The following CACNA1E variants were observed in gnomAD, a reference collection of about 807,000 sequenced individuals.
The protein encoded by CACNA1E is calcium voltage-gated channel subunit alpha1 E.
In CACNA1E, 40 loss-of-function variants were observed where a neutral mutation model predicts 259.2. The observed-to-expected ratio is 0.15, with a 90% CI of 0.12 to 0.20. CACNA1E has a LOEUF of 0.20. Among genes scored for constraint, CACNA1E ranks in the 10% least tolerant of loss-of-function variants. The probability of loss-of-function intolerance (pLI) is 1.00; values close to 1 mark genes in which losing one functional copy is unlikely to be tolerated. For synonymous variants in CACNA1E, 1,104 were observed against 1,138.5 expected (o/e 0.97, Z 0.61); for missense variants, 1,874 against 3,040.1 (o/e 0.62, Z 9.02).
intron 1 of CACNA1E, among the ~76,000 whole-genome samples, chr1:181,380,451 G>T (rs376829001): frequency 6.6e-6 from 1 of 152,108 alleles, no homozygotes; most frequent in African/African-American, 2.4e-5. Context: ...AGAAAAGTCC[G>T]ATAGCAAAAC....
intron 10 of CACNA1E, among the ~76,000 whole-genome samples, chr1:181,716,643 A>T (rs1157878029): frequency 6.6e-6 from 1 of 152,218 alleles, no homozygotes. Context: ...GGCTGATGGC[A>T]GGTTTTTCCT....
intron 3 of CACNA1E, among the ~76,000 whole-genome samples, chr1:181,573,889 A>G (rs1241150079): frequency 1.3e-5 from 2 of 152,276 alleles, no homozygotes; most frequent in African/African-American, 2.4e-5. Context: ...ATGCCCATCA[A>G]TGATAGACTG....
chr1:181,650,731 A>G (rs578240847), intron 6 of CACNA1E, among the ~76,000 whole-genome samples: 11 of 152,356 alleles, frequency 7.2e-5, no homozygotes, highest in African/African-American at 2.4e-4. Flanking sequence ...GAGTGTTAAC[A>G]TTAGAGTGCA....
At chr1:181,656,230 A>C (rs140165004) in intron 7 of CACNA1E, among the ~76,000 whole-genome samples, 1 of 152,198 alleles carries the variant, frequency 6.6e-6, no homozygotes, top group Non-Finnish European at 1.5e-5. Flanking sequence ...GGTATTCCAG[A>C]GGAAGGCATT....
At chr1:181,391,973 G>A (rs1656333433) in intron 1 of CACNA1E, among the ~76,000 whole-genome samples, 1 of 151,538 alleles carries the variant, frequency 6.6e-6, no homozygotes, top group African/African-American at 2.4e-5. Context: ...GTGTGTGTGT[G>A]TGTGTGTTTA....
intron 44 of CACNA1E, among the ~76,000 whole-genome samples, chr1:181,791,885 A>C (rs1377954451): frequency 6.6e-6 from 1 of 152,164 alleles, no homozygotes; most frequent in Non-Finnish European, 1.5e-5. Flanking sequence ...GGGCACCCCC[A>C]CAGAGGGCGA....
At chr1:181,611,567 A>C (rs768609285) in intron 6 of CACNA1E, among the ~76,000 whole-genome samples, 19 of 152,088 alleles carry the variant, frequency 1.2e-4, no homozygotes, top group Non-Finnish European at 2.2e-4. Context: ...TTCCTCAAGG[A>C]TAAGATAGAC....
chr1:181,511,244 C>A, intron 2 of CACNA1E, 127 bp from the exon 3 acceptor site: 1 of 1,125,996 alleles, frequency 8.9e-7, no homozygotes, highest in Non-Finnish European at 1.3e-6. Context: ...CCTTAGCACC[C>A]TTGCTTCCCA....
chr1:181,709,236 T>A (rs1402735601), intron 7 of CACNA1E, among the ~76,000 whole-genome samples: 2 of 152,234 alleles, frequency 1.3e-5, no homozygotes, highest in East Asian at 3.8e-4. Context: ...AAAGGAGGCA[T>A]CCCAGGGCTT....
intron 1 of CACNA1E, among the ~76,000 whole-genome samples, chr1:181,364,829 T>G (rs901532972): frequency 6.6e-6 from 1 of 152,180 alleles, no homozygotes; most frequent in Non-Finnish European, 1.5e-5. Context: ...TGGGCTCCAG[T>G]CTTCCACCTC....
intron 3 of CACNA1E, among the ~76,000 whole-genome samples, chr1:181,573,797 A>T (rs1282346693): frequency 6.6e-6 from 1 of 152,246 alleles, no homozygotes; most frequent in Non-Finnish European, 1.5e-5. Flanking sequence ...AAGGAATATA[A>T]ATCATTCTGT....
chr1:181,739,062 G>A, intron 24 of CACNA1E, 85 bp from the exon 25 acceptor site: 1 of 824,838 alleles, frequency 1.2e-6, no homozygotes, highest in Admixed American at 1.8e-5. Flanking sequence ...AGTGGCAGTG[G>A]GGGCACTGCC....
intron 6 of CACNA1E, among the ~76,000 whole-genome samples, chr1:181,602,295 A>G (rs1284027072): frequency 6.6e-6 from 1 of 152,206 alleles, no homozygotes; most frequent in East Asian, 1.9e-4. Flanking sequence ...GGCAGAAGGT[A>G]AGTACAGATT....
At chr1:181,625,233 G>A (rs898747070) in intron 6 of CACNA1E, among the ~76,000 whole-genome samples, 1 of 151,944 alleles carries the variant, frequency 6.6e-6, no homozygotes, top group African/African-American at 2.4e-5. Flanking sequence ...ATGAACATTG[G>A]CTTTAACTTA....
chr1:181,564,134 T>C (rs1215406148), intron 3 of CACNA1E, among the ~76,000 whole-genome samples: 1 of 152,186 alleles, frequency 6.6e-6, no homozygotes, highest in Non-Finnish European at 1.5e-5. Context: ...TTTCTTAAAA[T>C]AAGACAAGAA....
chr1:181,605,979 G>A (rs1654199297), intron 6 of CACNA1E, among the ~76,000 whole-genome samples: 1 of 152,072 alleles, frequency 6.6e-6, no homozygotes, highest in African/African-American at 2.4e-5. Context: ...TCTCTCAGTG[G>A]CATTCAACAC....
chr1:181,633,649 G>A (rs1656949666), intron 6 of CACNA1E, among the ~76,000 whole-genome samples: 1 of 151,862 alleles, frequency 6.6e-6, no homozygotes, highest in African/African-American at 2.4e-5. Flanking sequence ...CTGCCACCAC[G>A]CCCGGCTCAG....
chr1:181,624,026 C>T (rs148054413), intron 6 of CACNA1E, among the ~76,000 whole-genome samples: 3 of 152,256 alleles, frequency 2.0e-5, no homozygotes, highest in South Asian at 2.1e-4. Context: ...CTGGTGAGGG[C>T]GTCAAGCTGC....
intron 3 of CACNA1E, among the ~76,000 whole-genome samples, chr1:181,533,499 A>G (rs1667935800): frequency 6.6e-6 from 1 of 151,454 alleles, no homozygotes; most frequent in African/African-American, 2.4e-5. Flanking sequence ...GCAATGATTA[A>G]TGACTATATT....
Sources: gnomAD v4.1 joint callset for allele counts (sites outside exome capture counted in the v4.1 genomes callset) on GRCh38, gnomAD v4.1.1 for gene constraint, MANE v1.5 for transcripts, NCBI Gene and HGNC (gene_info 2026-07-23, HGNC 2026-07-21) for gene names.